The following INVS variants were observed in gnomAD, a reference collection of about 807,000 sequenced individuals.
INVS encodes the protein inversin.
INVS carries 86 observed loss-of-function variants against 108.8 expected under a neutral mutation model. The ratio of observed to expected loss-of-function variants is 0.79; its 90% CI spans 0.66 to 0.95. The LOEUF is 0.95. Among genes scored for constraint, INVS ranks in the 40% least tolerant of loss-of-function variants. INVS has a pLI of 0.00. For synonymous variants in INVS, 455 were observed against 473.5 expected, an observed-to-expected ratio of 0.96 and a Z score of 0.51; for missense variants, 1,169 against 1,297.4, an observed-to-expected ratio of 0.90 and a Z score of 1.52.
intron 8 of INVS, among the ~76,000 whole-genome samples, chr9:100,248,410 G>C (rs1832115063): frequency 6.6e-6 from 1 of 151,488 alleles, no homozygotes; most frequent in Non-Finnish European, 1.5e-5. Flanking sequence ...TATTATGTCA[G>C]AGATGCCTTC....
rs904065758 is a variant in INVS, at chr9:100,099,410, G to A, written c.-31G>A. ...CCCCCGGGACGTCAGTCCTGGAGGA[G>A]GCGAGGGTGAGTAGGAGGGGGCCTG... On this transcript the variant is annotated 5_prime_UTR_variant, in exon 1 of 17. Coordinates refer to ENST00000262457, the MANE Select transcript of INVS (RefSeq NM_014425.5). 2 of 153,416 alleles carry A rather than the reference G, an allele frequency of 1.3e-5. No individual in the cohort carries two copies. Among genetic ancestry groups the A allele is most frequent in the Non-Finnish European group, 2.9e-5 (2 of 68,730 alleles). The allele number at this position is 153,416 out of a possible 1,614,324, so 9.5% of individuals were successfully genotyped here.
intron 6 of INVS, among the ~76,000 whole-genome samples, chr9:100,242,224 G>A (rs1448046579): frequency 1.3e-5 from 2 of 152,144 alleles, no homozygotes; most frequent in Admixed American, 1.3e-4. Context: ...AAGAGGGCTT[G>A]GCTCTAAAGC....
chr9:100,294,848 T>G (rs980507524), intron 14 of INVS, among the ~76,000 whole-genome samples: 1 of 152,232 alleles, frequency 6.6e-6, no homozygotes, highest in Admixed American at 6.5e-5. Context: ...CTTGTGCCAC[T>G]GTTCAAACTA....
Position 100,272,987 on chromosome 9 carries a change from C to G in INVS, c.1695C>G (p.Val565=), listed in dbSNP as rs1833002512. ...TCGCCGCCTTCAAAATCCAAGCTGT[C>G]TACAAAGGGTACAAGGTCAGAAAAG... ...QDIAAFKIQA[V]YKGYKVRKAF... is the part of the protein sequence containing the mutation. The change falls in exon 12 of 17, where the codon GTC becomes GTG. Residue 565 remains valine (V), a synonymous_variant. Coordinates refer to ENST00000262457, the MANE Select transcript of INVS (RefSeq NM_014425.5). The G allele has an allele frequency of 6.2e-7, 1 of 1,614,044 alleles. No homozygotes were observed. Among genetic ancestry groups the G allele is most frequent in the Non-Finnish European group, 8.5e-7 (1 of 1,180,006 alleles).
At chr9:100,217,403 T>G (rs1307732040) in intron 3 of INVS, among the ~76,000 whole-genome samples, 1 of 152,194 alleles carries the variant, frequency 6.6e-6, no homozygotes, top group Non-Finnish European at 1.5e-5. Flanking sequence ...TAATTAACCC[T>G]ATTTACAAGG....
chr9:100,160,316 C>G (rs1298042509), intron 3 of INVS, among the ~76,000 whole-genome samples: 3 of 152,300 alleles, frequency 2.0e-5, no homozygotes, highest in African/African-American at 7.2e-5. Flanking sequence ...ATTTGTACAC[C>G]TCGTACAACC....
chr9:100,249,418 A>C (rs974564808), intron 8 of INVS, among the ~76,000 whole-genome samples: 1 of 152,176 alleles, frequency 6.6e-6, no homozygotes, highest in Admixed American at 6.5e-5. Flanking sequence ...TAAAAAATAA[A>C]ATTTCAATTA....
chr9:100,112,997 C>T (rs1272768852), intron 2 of INVS, among the ~76,000 whole-genome samples: 1 of 152,166 alleles, frequency 6.6e-6, no homozygotes, highest in Non-Finnish European at 1.5e-5. Context: ...TAGAGACTGC[C>T]CTTTAATCAT....
At chr9:100,227,762 C>G (rs1006827215) in intron 4 of INVS, among the ~76,000 whole-genome samples, 3 of 151,228 alleles carry the variant, frequency 2.0e-5, no homozygotes, top group Non-Finnish European at 4.4e-5. Context: ...CCATCATAAC[C>G]TTACACAAAA....
intron 11 of INVS, 56 bp from the exon 12 acceptor site, chr9:100,272,808 G>C (rs566870150): frequency 1.4e-6 from 2 of 1,446,880 alleles, no homozygotes; most frequent in East Asian, 4.5e-5. Flanking sequence ...CAGTTTAACT[G>C]TGCCTTAAAT....
At chr9:100,295,818 T>TC (rs761413924) in intron 14 of INVS, among the ~76,000 whole-genome samples, 4 of 152,170 alleles carry the variant, frequency 2.6e-5, no homozygotes, top group South Asian at 2.1e-4. Flanking sequence ...TACCTGGGCT[T>TC]CCCCCCAAGT....
chr9:100,126,248 T>G, intron 2 of INVS, 135 bp from the exon 3 acceptor site: 2 of 739,614 alleles, frequency 2.7e-6, no homozygotes, highest in Non-Finnish European at 4.5e-6. Flanking sequence ...AATATCTACT[T>G]CTTAGGACAA....
intron 11 of INVS, among the ~76,000 whole-genome samples, chr9:100,272,560 A>T (rs1832989519): frequency 6.6e-6 from 1 of 152,226 alleles, no homozygotes. Flanking sequence ...TATTTGGCAC[A>T]TGGGAAAGAA....
chr9:100,146,523 C>T (rs1019240311), intron 3 of INVS, among the ~76,000 whole-genome samples: 25 of 152,150 alleles, frequency 1.6e-4, no homozygotes, highest in Non-Finnish European at 3.5e-4. Context: ...AGGCCTGACA[C>T]TTTGTGTCTG....
At position 100,175,539 on chromosome 9, in the gene INVS, C is replaced by G; in HGVS notation, c.273+48990C>G. ...GCAAGAACTTTACAGCATCCTGAATCTTAGCTACAAACAGGTTAAGACTTG... is the reference window on the plus strand; with the variant it reads ...GCAAGAACTTTACAGCATCCTGAATGTTAGCTACAAACAGGTTAAGACTTG... On this transcript the variant is annotated intron_variant, in intron 3 of 16. Transcript: ENST00000262457. 4 of 738,994 alleles carry G rather than the reference C, an allele frequency of 5.4e-6. No individual in the cohort carries two copies. The South Asian group carries it at 5.7e-5, about 10-fold the overall frequency. The allele number at this position is 738,994 out of a possible 1,614,324, so 45.8% of individuals were successfully genotyped here.
At chr9:100,100,671 TGTAC>T (rs1413817531) in intron 1 of INVS, among the ~76,000 whole-genome samples, 5 of 35,102 alleles carry the variant, frequency 1.4e-4, no homozygotes, top group African/African-American at 9.2e-4. Flanking sequence ...ATATTATATA[TGTAC>T]ATATAATATA....
chr9:100,210,365 G>A (rs1564159767), intron 3 of INVS, among the ~76,000 whole-genome samples: 1 of 152,202 alleles, frequency 6.6e-6, no homozygotes, highest in Admixed American at 6.5e-5. Flanking sequence ...GTGGGAGTAA[G>A]ATTTGAAGCT....
intron 3 of INVS, among the ~76,000 whole-genome samples, chr9:100,211,069 G>A (rs775432874): frequency 6.6e-5 from 10 of 152,012 alleles, no homozygotes; most frequent in Non-Finnish European, 1.5e-4. Context: ...CAAACTCTGC[G>A]GGAGGGCCTA....
intron 3 of INVS, among the ~76,000 whole-genome samples, chr9:100,190,275 A>G (rs184555835): frequency 2.7e-3 from 404 of 152,234 alleles, no homozygotes; most frequent in African/African-American, 9.1e-3. Flanking sequence ...AAGAATCTTT[A>G]CATGTTAAGT....
Sources: allele counts gnomAD v4.1 joint callset (sites outside exome capture counted in the v4.1 genomes callset), GRCh38; gene constraint gnomAD v4.1.1; transcripts MANE v1.5; gene names NCBI Gene and HGNC (gene_info 2026-07-23, HGNC 2026-07-21).